The following SRRM2 variants were observed in gnomAD, a reference collection of about 807,000 sequenced individuals.
SRRM2 encodes the protein serine/arginine repetitive matrix protein 2.
SRRM2 carries 30 observed loss-of-function variants against 213.8 expected under a neutral mutation model. That is an observed-to-expected ratio of 0.14 (90% CI 0.10 to 0.19). The LOEUF (loss-of-function observed/expected upper bound fraction) is 0.19. Ranked by LOEUF, SRRM2 falls within the 10% of genes least tolerant of loss-of-function variation. SRRM2 has a pLI of 1.00. For synonymous variants in SRRM2, 2,025 were observed against 1,377.7 expected (o/e 1.47, Z -10.40); for missense variants, 4,904 against 3,647.0 (o/e 1.34, Z -8.88).
chr16:2,771,257 G>C lies in SRRM2; in HGVS notation c.*390G>C, dbSNP rs2068737902. The stretch of plus-strand genomic sequence containing the variant: ...TTGTATAAGGTGTTCTTGGAAGGAA[G>C]GGGCAGGAGTTGGAATTAGTTGGTC... On this transcript the variant is annotated 3_prime_UTR_variant, in exon 15 of 15. Coordinates refer to ENST00000301740, the MANE Select transcript of SRRM2 (RefSeq NM_016333.4). 1.3e-6 allele frequency: 1 copy of C among 740,782 alleles called. No homozygotes were observed. The highest frequency in any genetic ancestry group is 2.3e-6 in the Non-Finnish European group (1 of 428,288). 45.9% of individuals were successfully genotyped at this position (740,782 alleles called of 1,614,324 possible).
rs761600083 is a variant in SRRM2, at chr16:2,769,125, C to T, written c.7862C>T (p.Ser2621Phe). 3.1e-6 allele frequency: 5 copies of T among 1,613,198 alleles called. No homozygotes were observed. Among genetic ancestry groups the T allele is most frequent in the Non-Finnish European group, 4.2e-6 (5 of 1,179,278 alleles). Residue 2621 changes from serine to phenylalanine, a missense_variant, in exon 12 of 15, where the codon TCC becomes TTC. Transcript: ENST00000301740. ...AGCTCCTCCTCTTCATCTTCCTCCTCCTCCTCCTCCTCCTCTTCTTCCTCC... is the reference window on the plus strand; with the variant it reads ...AGCTCCTCCTCTTCATCTTCCTCCTTCTCCTCCTCCTCCTCTTCTTCCTCC... ...SSSSSSSSSS[S>F]SSSSSSSSSS...
chr16:2,760,775 A>C (rs2068316185), intron 10 of SRRM2: 1 of 411,974 alleles, frequency 2.4e-6, no homozygotes, highest in Non-Finnish European at 4.5e-6. Flanking sequence ...GTTGTATCTT[A>C]TCTGTGTACT....
At chr16:2,768,550 TG>T (rs769298388) in intron 11 of SRRM2, 1 of 650,670 alleles carries the variant, frequency 1.5e-6, no homozygotes, top group South Asian at 1.5e-5. Context: ...GCAGGAGGGA[TG>T]GCAGTTAGAC....
intron 10 of SRRM2, chr16:2,760,775 A>T: frequency 2.4e-6 from 1 of 412,092 alleles, no homozygotes; most frequent in East Asian, 4.9e-5. Flanking sequence ...GTTGTATCTT[A>T]TCTGTGTACT....
chr16:2,763,180 G>A lies in SRRM2; in HGVS notation c.2652G>A (p.Arg884=). The A allele has an allele frequency of 6.2e-7, 1 of 1,613,918 alleles. No individual in the cohort carries two copies. The highest frequency in any genetic ancestry group is 8.5e-7 in the Non-Finnish European group (1 of 1,179,986). Residue 884 remains arginine, a synonymous_variant, in exon 11 of 15, where the codon AGG becomes AGA. Transcript: ENST00000301740. ...ESSPDPELKS[R]TPSRHSCSGS... ...CACCTGACCCTGAGTTGAAATCTAG[G>A]ACCCCTTCTAGACATAGCTGCTCAG...
chr16:2,766,768 A>G lies in SRRM2; in HGVS notation c.6240A>G (p.Ala2080=), dbSNP rs926273462. 5.6e-6 allele frequency: 9 copies of G among 1,614,110 alleles called. No homozygotes were observed. Among genetic ancestry groups the G allele is most frequent in the Middle Eastern group, 1.6e-4 (1 of 6,084 alleles). The change falls in exon 11 of 15, where the codon GCA becomes GCG. Residue 2080 remains alanine (A), a synonymous_variant. Coordinates refer to ENST00000301740, the MANE Select transcript of SRRM2 (RefSeq NM_016333.4). This position sits in a 1 kb window ranked among gnomAD's most constrained non-coding sequence, Gnocchi z 7.0. ...CTCCAGCCATCCGCAGGCGTTCTGC[A>G]TCTGGAAGTAGTTCTGATCGTTCAC... The part of the protein sequence containing the change: ...RSPPAIRRRS[A]SGSSSDRSRS...
Position 2,758,470 on chromosome 16 carries a change from C to T in SRRM2, c.516C>T (p.Ser172=). ...TCTGCTGCTTTTCATTTTTCCCTAG[C>T]CTTGTTCGGGAGTCTAGCAGTTCTC... ...QPAPEPPKPY[S]LVRESSSSRS... is the part of the protein sequence containing the mutation. The change falls in exon 5 of 15, where the codon AGC becomes AGT. Residue 172 remains serine, a splice_region_variant and synonymous_variant. Transcript: ENST00000301740. 1 of 1,613,702 alleles carries T rather than the reference C, an allele frequency of 6.2e-7. No individual in the cohort carries two copies. The highest frequency in any genetic ancestry group is 8.5e-7 in the Non-Finnish European group (1 of 1,179,670).
intron 12 of SRRM2, 75 bp from the exon 13 acceptor site, chr16:2,770,277 T>C: frequency 6.7e-7 from 1 of 1,484,692 alleles, no homozygotes; most frequent in Non-Finnish European, 9.0e-7. Context: ...GGTCAGGACC[T>C]GGGCGGGTGG....
chr16:2,758,712 G>C (rs1225617453), intron 5 of SRRM2, 165 bp downstream of exon 5: 3 of 694,724 alleles, frequency 4.3e-6, no homozygotes, highest in Non-Finnish European at 7.3e-6. Flanking sequence ...GAGTTTCTCA[G>C]TGGGGAAGTG....
Position 2,764,113 on chromosome 16 carries a change from G to C in SRRM2, c.3585G>C (p.Arg1195Ser). 1 of 1,614,158 alleles carries C rather than the reference G, an allele frequency of 6.2e-7. No homozygotes were observed. The highest frequency in any genetic ancestry group is 8.5e-7 in the Non-Finnish European group (1 of 1,180,048). Residue 1195 changes from arginine to serine, a missense_variant, in exon 11 of 15, where the codon AGG becomes AGC. Coordinates refer to ENST00000301740, the MANE Select transcript of SRRM2 (RefSeq NM_016333.4). The stretch of plus-strand genomic sequence containing the variant: ...TTAGTCCCTTTCCAGTACAGGATAG[G>C]CCTGAGTCTTCACTGGTATTCAAAG... Reference protein sequence around the residue: ...DKFSPFPVQDRPESSLVFKDT... With the variant: ...DKFSPFPVQDSPESSLVFKDT...
intron 9 of SRRM2, chr16:2,759,877 G>A: frequency 1.8e-6 from 1 of 562,932 alleles, no homozygotes; most frequent in South Asian, 2.3e-5. Flanking sequence ...TGTTATTTTT[G>A]TTTCGTTCTG....
intron 1 of SRRM2, 48 bp from the exon 2 acceptor site, chr16:2,756,286 T>G: frequency 6.9e-7 from 1 of 1,442,222 alleles, no homozygotes; most frequent in Non-Finnish European, 9.1e-7. Context: ...CGGTAAGTGG[T>G]TAGTTTGGGG....
At chr16:2,770,781 C>G in intron 14 of SRRM2, 64 bp downstream of exon 14, 1 of 1,609,106 alleles carries the variant, frequency 6.2e-7, no homozygotes, top group Non-Finnish European at 8.5e-7. Context: ...GTGGCGGCCC[C>G]ATTTTGGGAG....
At position 2,755,492 on chromosome 16, in the gene SRRM2, G is replaced by A. The variant is rs148803792; in HGVS notation, c.-31-842G>A. ...GGCTGGTTTGATGTGTTTAAATAGA[G>A]CAGAGTTGAAAACAGGTAATATTTG... On this transcript the variant is annotated intron_variant, in intron 1 of 14. Transcript: ENST00000301740. Among the ~76,000 whole-genome samples, 7 of 152,302 alleles carry A rather than the reference G, an allele frequency of 4.6e-5. No individual in the cohort carries two copies. In the East Asian group the frequency reaches 1.3e-3, roughly 29 times the overall value.
In SRRM2 at chr16:2,763,569, C is replaced by T; in HGVS notation, c.3041C>T (p.Ser1014Leu). 6.2e-7 allele frequency: 1 copy of T among 1,614,186 alleles called. No individual in the cohort carries two copies. Among genetic ancestry groups the T allele is most frequent in the Non-Finnish European group, 8.5e-7 (1 of 1,180,038 alleles). ...GGGCCAAGTCTTTCTGGATCAAAGT[C>T]ACCATGTCCCCAAGAGAAGTCTAAA... ...PPGPSLSGSK[S>L]PCPQEKSKDS... Residue 1014 changes from serine to leucine, a missense_variant, in exon 11 of 15, where the codon TCA becomes TTA. Coordinates refer to ENST00000301740, the MANE Select transcript of SRRM2 (RefSeq NM_016333.4).
Position 2,770,429 on chromosome 16 carries a change from G to A in SRRM2, c.8099G>A (p.Arg2700His), listed in dbSNP as rs758863454. ...SLSYSPVERR[R>H]PSPQPSPRDQ... Reference sequence around the variant, plus strand: ...AGCTACTCGCCTGTGGAGCGTCGCCGTCCCTCGCCCCAGCCCTCACCACGG... The same window carrying A: ...AGCTACTCGCCTGTGGAGCGTCGCCATCCCTCGCCCCAGCCCTCACCACGG... Residue 2700 changes from arginine to histidine, a missense_variant, in exon 13 of 15, where the codon CGT (arginine) becomes CAT (histidine). Coordinates refer to ENST00000301740, the MANE Select transcript of SRRM2 (RefSeq NM_016333.4). The A allele has an allele frequency of 9.3e-6, 15 of 1,610,536 alleles. No individual in the cohort carries two copies. Among genetic ancestry groups the A allele is most frequent in the Middle Eastern group, 1.7e-4 (1 of 6,058 alleles).
Position 2,763,604 on chromosome 16 carries a change from G to A in SRRM2, c.3076G>A (p.Val1026Ile). The change falls in exon 11 of 15, where the codon GTT becomes ATT. Residue 1026 changes from valine to isoleucine, a missense_variant. Val to Ile is a conservative substitution (Grantham distance 29, BLOSUM62 3). Transcript: ENST00000301740. Reference sequence around the variant, plus strand: ...CCAAGAGAAGTCTAAAGACTCACTAGTTCAAAGTTGCCCTGGATCCCTCTC... The same window carrying A: ...CCAAGAGAAGTCTAAAGACTCACTAATTCAAAGTTGCCCTGGATCCCTCTC... The part of the protein sequence containing the change: ...CPQEKSKDSL[V>I]QSCPGSLSLC... The A allele has an allele frequency of 6.2e-7, 1 of 1,614,116 alleles. No individual in the cohort carries two copies. The highest frequency in any genetic ancestry group is 8.5e-7 in the Non-Finnish European group (1 of 1,180,032).
chr16:2,764,575 T>C lies in SRRM2; in HGVS notation c.4047T>C (p.Ser1349=). ...LGTEMNTGFS[S]EVKEDLNGPF... ...CAGAAATGAATACTGGATTTTCTTC[T>C]GAGGTTAAAGAAGATTTGAATGGAC... The change falls in exon 11 of 15, where the codon TCT becomes TCC. Residue 1349 remains serine (S), a synonymous_variant. Transcript: ENST00000301740. The C allele has an allele frequency of 6.2e-7, 1 of 1,614,232 alleles. No homozygotes were observed. The highest frequency in any genetic ancestry group is 8.5e-7 in the Non-Finnish European group (1 of 1,180,044).
At chr16:2,757,640 C>T in intron 3 of SRRM2, 61 bp downstream of exon 3, 1 of 1,581,462 alleles carries the variant, frequency 6.3e-7, no homozygotes, top group Non-Finnish European at 8.6e-7. Flanking sequence ...GCTGCTGCTG[C>T]TGTCCTTTTC....
Sources: allele counts gnomAD v4.1 joint callset (sites outside exome capture counted in the v4.1 genomes callset), GRCh38; gene constraint gnomAD v4.1.1; non-coding constraint Gnocchi (gnomAD v3.1); transcripts MANE v1.5; gene names NCBI Gene and HGNC (gene_info 2026-07-23, HGNC 2026-07-21).